Variants in CTNNA3 observed in about 807,000 individuals in gnomAD.
CTNNA3 encodes the protein catenin alpha-3.
In CTNNA3, 76 loss-of-function variants were observed where a neutral mutation model predicts 95.7. That is an observed-to-expected ratio of 0.79 (90% CI 0.66 to 0.96). The LOEUF is 0.96. Ranked by LOEUF, CTNNA3 falls within the 40% of genes least tolerant of loss-of-function variation. The pLI is 0.00. For missense variants in CTNNA3, 1,191 were observed against 1,089.8 expected (o/e 1.09, Z -1.31); for synonymous variants, 431 against 374.4 (o/e 1.15, Z -1.74).
chr10:66,668,540 C>T (rs985785040), intron 9 of CTNNA3, among the ~76,000 whole-genome samples: 1 of 151,304 alleles, frequency 6.6e-6, no homozygotes, highest in East Asian at 1.9e-4. Flanking sequence ...TGGCCGGGTG[C>T]GGTGGTTCAT....
chr10:66,610,355 A>T (rs1436059837), intron 10 of CTNNA3, among the ~76,000 whole-genome samples: 1 of 152,060 alleles, frequency 6.6e-6, no homozygotes, highest in Non-Finnish European at 1.5e-5. Context: ...AAAAGGTCAG[A>T]TAGTAACTAT....
chr10:66,275,237 C>T lies in CTNNA3; in HGVS notation c.1884+5233G>A, dbSNP rs546223723. Reference sequence around the variant, plus strand: ...GGTTCAAGCAATTCTCCTGCCTCAACCTCCTGAGAAACTGGGACTACAGGC... The same window carrying T: ...GGTTCAAGCAATTCTCCTGCCTCAATCTCCTGAGAAACTGGGACTACAGGC... On this transcript the variant is annotated intron_variant, in intron 13 of 17. Transcript: ENST00000433211. Among the ~76,000 whole-genome samples, 5 of 152,268 alleles carry T rather than the reference C, an allele frequency of 3.3e-5. No individual in the cohort carries two copies. In the East Asian group the frequency reaches 9.7e-4, roughly 29 times the overall value.
rs553360660 is a variant in CTNNA3, at chr10:66,374,097, G to A, written c.1732+5055C>T. ...CATTTTAAATTTAAATTTTGGAGAA[G>A]GACTTGGTGATCATTGATCATTGGG... On this transcript the variant is annotated intron_variant, in intron 12 of 17. Transcript: ENST00000433211. Among the ~76,000 whole-genome samples, 185 of 152,266 alleles carry A rather than the reference G, an allele frequency of 1.2e-3. 1 individual carries two copies. Among genetic ancestry groups the A allele is most frequent in the African/African-American group, 4.4e-3 (181 of 41,544 alleles).
At chr10:67,615,879 G>T (rs890851678) in intron 2 of CTNNA3, among the ~76,000 whole-genome samples, 2 of 152,046 alleles carry the variant, frequency 1.3e-5, no homozygotes, top group African/African-American at 2.4e-5. Context: ...GGCCAGGCTG[G>T]TCTCAAACTC....
intron 13 of CTNNA3, among the ~76,000 whole-genome samples, chr10:66,125,392 T>A (rs1245916895): frequency 2.0e-5 from 3 of 152,264 alleles, no homozygotes; most frequent in East Asian, 3.9e-4. Flanking sequence ...AGCAGTTTTA[T>A]GAAAGTGGAC....
At chr10:66,203,586 T>C (rs1275267507) in intron 13 of CTNNA3, among the ~76,000 whole-genome samples, 1 of 152,034 alleles carries the variant, frequency 6.6e-6, no homozygotes, top group Admixed American at 6.6e-5. Flanking sequence ...CCTCAAATAT[T>C]GAAACATCAC....
intron 12 of CTNNA3, among the ~76,000 whole-genome samples, chr10:66,347,187 C>T (rs563790597): frequency 6.6e-6 from 1 of 152,018 alleles, no homozygotes; most frequent in South Asian, 2.1e-4. Flanking sequence ...TTCCTATGGG[C>T]CAAACATTTT....
intron 5 of CTNNA3, among the ~76,000 whole-genome samples, chr10:67,396,337 T>C (rs1302824457): frequency 6.6e-6 from 1 of 152,158 alleles, no homozygotes; most frequent in African/African-American, 2.4e-5. Flanking sequence ...CTTCTGACAT[T>C]TGACTAAATT....
At chr10:66,991,478 A>C (rs1189445802) in intron 7 of CTNNA3, among the ~76,000 whole-genome samples, 1 of 152,194 alleles carries the variant, frequency 6.6e-6, no homozygotes, top group Non-Finnish European at 1.5e-5. Context: ...AAGTAATTTA[A>C]AAGGGTATAT....
chr10:67,462,637 G>C (rs1420910043), intron 5 of CTNNA3, among the ~76,000 whole-genome samples: 3 of 152,138 alleles, frequency 2.0e-5, no homozygotes, highest in African/African-American at 7.2e-5. Context: ...ATTGTGACTA[G>C]AATGAAGCTC....
At chr10:67,713,087 G>GA (rs869260949) in intron 1 of CTNNA3, among the ~76,000 whole-genome samples, 2 of 139,050 alleles carry the variant, frequency 1.4e-5, no homozygotes, top group Non-Finnish European at 3.1e-5. Context: ...AAATTTACAA[G>GA]AAAAAAACAA....
At chr10:66,462,744 T>G (rs1020736058) in intron 11 of CTNNA3, among the ~76,000 whole-genome samples, 3 of 152,108 alleles carry the variant, frequency 2.0e-5, no homozygotes, top group Non-Finnish European at 4.4e-5. Context: ...ATATTTCATT[T>G]ATGAGGAAAC....
intron 9 of CTNNA3, among the ~76,000 whole-genome samples, chr10:66,704,493 T>G (rs1003926342): frequency 3.9e-5 from 6 of 152,178 alleles, no homozygotes; most frequent in African/African-American, 1.2e-4. Flanking sequence ...TGACACATTA[T>G]TGGAAACCTG....
In CTNNA3 at chr10:66,979,797, T is replaced by G. The variant is rs1312855200; in HGVS notation, c.1047+200520A>C. Among the ~76,000 whole-genome samples the G allele has an allele frequency of 4.6e-5, 7 of 152,208 alleles. No homozygotes were observed. The East Asian group carries it at 9.6e-4, about 21-fold the overall frequency. ...AGCTTTTTCAAAATTTCCCAAAATT[T>G]TATTCTATGGAGAAAAGGTCCTTTG... On this transcript the variant is annotated intron_variant, in intron 7 of 17. Transcript: ENST00000433211.
intron 11 of CTNNA3, among the ~76,000 whole-genome samples, chr10:66,401,518 AACACACACACACAC>A (rs140986771): frequency 0.017 from 2,393 of 143,988 alleles, 44 homozygotes; most frequent in East Asian, 0.1. Context: ...TGTGTCTCAA[AACACACACACACAC>A]ACACACACAC....
At chr10:67,589,223 T>A (rs542387998) in intron 3 of CTNNA3, among the ~76,000 whole-genome samples, 18 of 152,302 alleles carry the variant, frequency 1.2e-4, no homozygotes, top group African/African-American at 4.1e-4. Context: ...CTTTTTCCTA[T>A]GTGCCTCCAC....
intron 9 of CTNNA3, among the ~76,000 whole-genome samples, chr10:66,712,221 T>C (rs1010821968): frequency 6.6e-6 from 1 of 152,162 alleles, no homozygotes; most frequent in Non-Finnish European, 1.5e-5. Flanking sequence ...AAACATGTGA[T>C]ACAAGCTGAG....
At chr10:65,937,792 A>AT (rs1227238027) in intron 17 of CTNNA3, among the ~76,000 whole-genome samples, 1 of 152,178 alleles carries the variant, frequency 6.6e-6, no homozygotes, top group Non-Finnish European at 1.5e-5. Flanking sequence ...TAGTGATTAC[A>AT]TTTTTTAAAA....
intron 5 of CTNNA3, among the ~76,000 whole-genome samples, chr10:67,511,917 G>C (rs990899211): frequency 6.6e-6 from 1 of 152,104 alleles, no homozygotes; most frequent in African/African-American, 2.4e-5. Context: ...TCCTGGTTTA[G>C]TCTTGGGAGG....
Sources: allele counts gnomAD v4.1 joint callset (sites outside exome capture counted in the v4.1 genomes callset), GRCh38; gene constraint gnomAD v4.1.1; transcripts MANE v1.5; gene names NCBI Gene and HGNC (gene_info 2026-07-23, HGNC 2026-07-21).